IARS1: variants seen among roughly 807,000 people sequenced by gnomAD.
IARS1 encodes the protein isoleucyl-tRNA synthetase 1.
IARS1 carries 124 observed loss-of-function variants against 168.2 expected under a neutral mutation model. That is an observed-to-expected ratio of 0.74 (90% CI 0.64 to 0.86). The LOEUF is 0.86. Ranked by LOEUF, IARS1 falls within the 40% of genes least tolerant of loss-of-function variation. The pLI is 0.00. For synonymous variants in IARS1, 532 were observed against 529.4 expected (o/e 1.00, Z -0.07); for missense variants, 1,452 against 1,515.8 (o/e 0.96, Z 0.70).
chr9:92,276,874 G>GT (rs1253391938), intron 9 of IARS1, among the ~76,000 whole-genome samples: 1 of 152,188 alleles, frequency 6.6e-6, no homozygotes, highest in Non-Finnish European at 1.5e-5. Flanking sequence ...ATTCTCCACT[G>GT]TCAGAAAATA....
rs548775137 is a variant in IARS1, at chr9:92,231,607, T to A, written c.3284-2481A>T. ...TTTGTATTTGTTTTTTTTTTTTTTT[T>A]AGTAGAGATGGAGTTTCTCCATGTT... is the stretch of plus-strand genomic sequence containing the variant. On this transcript the variant is annotated intron_variant, in intron 30 of 33. Coordinates refer to ENST00000443024, the MANE Select transcript of IARS1 (RefSeq NM_002161.6). Among the ~76,000 whole-genome samples, 94 of 147,176 alleles carry A rather than the reference T, an allele frequency of 6.4e-4. 3 individuals carry two copies. In the South Asian group the frequency reaches 0.013, roughly 21 times the overall value.
At chr9:92,266,728 C>T (rs1193858754) in intron 14 of IARS1, among the ~76,000 whole-genome samples, 2 of 152,142 alleles carry the variant, frequency 1.3e-5, no homozygotes, top group Admixed American at 6.5e-5. Context: ...CCTGCCCCCA[C>T]CCCACCGCCC....
chr9:92,240,923 T>C lies in IARS1; in HGVS notation c.3216A>G (p.Gly1072=), dbSNP rs1289974629. The part of the protein sequence containing the change: ...GSELEITLTR[G]SSLPGPACAY... ...CACAAGCAGGACCAGGAAGGGAAGA[T>C]CCTCTGGTGAGTGTAATTTCCAGTT... is the stretch of plus-strand genomic sequence containing the variant. Residue 1072 remains glycine (G), a synonymous_variant, in exon 30 of 34, where the codon GGA becomes GGG. Transcript: ENST00000443024. 2.5e-6 allele frequency: 4 copies of C among 1,613,418 alleles called. No individual in the cohort carries two copies. Among genetic ancestry groups the C allele is most frequent in the Non-Finnish European group, 3.4e-6 (4 of 1,179,472 alleles).
intron 25 of IARS1, among the ~76,000 whole-genome samples, chr9:92,248,484 G>C (rs1193624054): frequency 6.6e-6 from 1 of 151,328 alleles, no homozygotes; most frequent in Non-Finnish European, 1.5e-5. Context: ...ACCAGCCCGG[G>C]CAACATGGCA....
rs747635301 is a variant in IARS1 at position 92,250,766 on chromosome 9, A to C, written c.2376T>G (p.Ser792=). 2 of 1,613,798 alleles carry C rather than the reference A, an allele frequency of 1.2e-6. No individual in the cohort carries two copies. Among genetic ancestry groups the C allele is most frequent in the Admixed American group, 3.3e-5 (2 of 59,932 alleles). The change falls in exon 23 of 34, where the codon TCT becomes TCG. Residue 792 remains serine, a synonymous_variant. Coordinates refer to ENST00000443024, the MANE Select transcript of IARS1 (RefSeq NM_002161.6). ...QNLKVLIDPV[S]VQDKDTLSIH... ...TGCTGAGTGTGTCCTTGTCCTGAAC[A>C]GAAACAGGGTCAATCAGCACCTTTA...
At chr9:92,252,331 T>C (rs1830116311) in intron 21 of IARS1, 7 of 498,606 alleles carry the variant, frequency 1.4e-5, no homozygotes, top group South Asian at 1.0e-4. Context: ...ATCTTTGTTT[T>C]TCCTACAATC....
intron 30 of IARS1, among the ~76,000 whole-genome samples, chr9:92,237,259 CTA>C (rs1287314822): frequency 4.6e-5 from 7 of 152,222 alleles, no homozygotes; most frequent in South Asian, 4.1e-4. Context: ...ACACTCAGTT[CTA>C]TGTTTCTTTC....
At chr9:92,265,796 T>A (rs1343919889) in intron 14 of IARS1, among the ~76,000 whole-genome samples, 1 of 152,094 alleles carries the variant, frequency 6.6e-6, no homozygotes, top group East Asian at 1.9e-4. Flanking sequence ...TACCTGGGGC[T>A]ACAGGCAGGC....
chr9:92,215,275 T>A (rs538708471), intron 33 of IARS1, among the ~76,000 whole-genome samples: 3,081 of 152,162 alleles, frequency 0.02, 110 homozygotes, highest in African/African-American at 0.07. Flanking sequence ...CATCTGTACG[T>A]CACCATCATC....
chr9:92,217,134 C>G (rs1298398322), intron 33 of IARS1, among the ~76,000 whole-genome samples: 2 of 151,382 alleles, frequency 1.3e-5, no homozygotes, highest in Admixed American at 6.6e-5. Flanking sequence ...CAAAACCGCT[C>G]AACTACATGG....
chr9:92,234,657 G>A (rs1484344032), intron 30 of IARS1, among the ~76,000 whole-genome samples: 1 of 152,182 alleles, frequency 6.6e-6, no homozygotes, highest in African/African-American at 2.4e-5. Context: ...AGACAGCCAG[G>A]ATGTTGGCAG....
chr9:92,224,560 G>A (rs1188887349), intron 31 of IARS1, among the ~76,000 whole-genome samples: 1 of 152,190 alleles, frequency 6.6e-6, no homozygotes, highest in East Asian at 1.9e-4. Context: ...GGGTGAGGCT[G>A]GGCACAGTGG....
chr9:92,254,330 T>C (rs1362055528), intron 20 of IARS1, among the ~76,000 whole-genome samples: 1 of 152,186 alleles, frequency 6.6e-6, no homozygotes, highest in Non-Finnish European at 1.5e-5. Flanking sequence ...ATTTAATTAA[T>C]ACTCTTTGTT....
chr9:92,250,192 T>G lies in IARS1; in HGVS notation c.2527A>C (p.Ile843Leu). Residue 843 changes from isoleucine (I) to leucine (L), a missense_variant, in exon 24 of 34, where the codon ATA becomes CTA. By Grantham distance (5) the Ile-to-Leu change is conservative (BLOSUM62 2). Transcript: ENST00000443024. ...ATAGAAGTAAAATTTCAAACCTTTA[T>G]GGGAATAGTTTTTCGGTCTCTGATC... ...RVIRDRKTIPIKYPLKEIVVI... is the reference protein window; with the variant it reads ...RVIRDRKTIPLKYPLKEIVVI... 6.3e-7 allele frequency: 1 copy of G among 1,595,462 alleles called. No homozygotes were observed. The highest frequency in any genetic ancestry group is 8.6e-7 in the Non-Finnish European group (1 of 1,163,104).
intron 19 of IARS1, among the ~76,000 whole-genome samples, chr9:92,257,304 C>T (rs1282650503): frequency 6.6e-6 from 1 of 152,230 alleles, no homozygotes; most frequent in Non-Finnish European, 1.5e-5. Context: ...AACTCATGTC[C>T]TGCTTTGTTT....
chr9:92,288,330 T>G (rs1461913688), intron 2 of IARS1, 48 bp from the exon 3 acceptor site: 2 of 1,558,886 alleles, frequency 1.3e-6, no homozygotes, highest in Admixed American at 3.4e-5. Flanking sequence ...CAGCCAAAAT[T>G]TAAGGCATTT....
chr9:92,274,693 T>C (rs1833553020), intron 9 of IARS1, among the ~76,000 whole-genome samples, 172 bp from the exon 10 acceptor site: 1 of 152,194 alleles, frequency 6.6e-6, no homozygotes, highest in Non-Finnish European at 1.5e-5. Context: ...ATTCAATACA[T>C]TTTTCCCATA....
chr9:92,239,101 A>C (rs1827978853), intron 30 of IARS1, among the ~76,000 whole-genome samples: 1 of 152,158 alleles, frequency 6.6e-6, no homozygotes. Context: ...GAGAGTAATG[A>C]AAGTCTATTG....
intron 14 of IARS1, among the ~76,000 whole-genome samples, chr9:92,266,357 G>C (rs1008289565): frequency 2.6e-5 from 4 of 152,208 alleles, no homozygotes; most frequent in African/African-American, 7.2e-5. Context: ...TCTGAGAAAT[G>C]CATTGTTAGG....
Sources: allele counts gnomAD v4.1 joint callset (sites outside exome capture counted in the v4.1 genomes callset), GRCh38; gene constraint gnomAD v4.1.1; transcripts MANE v1.5; gene names NCBI Gene and HGNC (gene_info 2026-07-23, HGNC 2026-07-21).